The following SLC2A9 variants were observed in gnomAD, a reference collection of about 807,000 sequenced individuals.
SLC2A9 encodes the protein solute carrier family 2, facilitated glucose transporter member 9.
A neutral mutation model predicts 50.6 loss-of-function variants in SLC2A9; 39 were observed. That is an observed-to-expected ratio of 0.77 (90% confidence interval 0.60 to 1.01). The LOEUF (loss-of-function observed/expected upper bound fraction) is 1.01, where lower values mean the gene tolerates loss of function less well. SLC2A9 is among the 50% of genes least tolerant of loss of function. The pLI, the probability that SLC2A9 is intolerant of heterozygous loss-of-function variation, is 0.00. For missense variants in SLC2A9, 686 were observed against 677.6 expected (o/e 1.01, Z -0.14); for synonymous variants, 324 against 276.9 (o/e 1.17, Z -1.69).
chr4:9,942,537 G>A (rs1318824383), intron 5 of SLC2A9, among the ~76,000 whole-genome samples: 1 of 152,218 alleles, frequency 6.6e-6, no homozygotes, highest in Non-Finnish European at 1.5e-5. Flanking sequence ...AAGGGCAGCT[G>A]GAGCTCTTGC....
intron 11 of SLC2A9, 91 bp from the exon 12 acceptor site, chr4:9,826,691 C>T (rs1725190336): frequency 8.6e-7 from 1 of 1,157,926 alleles, no homozygotes; most frequent in Non-Finnish European, 1.3e-6. Flanking sequence ...GATAGCTCCA[C>T]ATTCATATAC....
rs549528701 is a variant in SLC2A9, at chr4:9,814,213, C to T, written n.420+12207G>A. On this transcript the variant is annotated intron_variant and non_coding_transcript_variant, in intron 3 of 3. Transcript: ENST00000503280. Reference sequence around the variant, plus strand: ...AAGGACATTCTACACAGAGGAAACACTAGACTCATTCTGGCTATCAGTGGT... The same window carrying T: ...AAGGACATTCTACACAGAGGAAACATTAGACTCATTCTGGCTATCAGTGGT... Among the ~76,000 whole-genome samples, 3 of 152,308 alleles carry T rather than the reference C, an allele frequency of 2.0e-5. No homozygotes were observed. The South Asian group carries it at 6.2e-4, about 32-fold the overall frequency.
intron 2 of SLC2A9, among the ~76,000 whole-genome samples, chr4:10,017,320 G>A (rs563031809): frequency 6.6e-6 from 1 of 152,306 alleles, no homozygotes; most frequent in South Asian, 2.1e-4. Context: ...TCACCTGGAT[G>A]TTTTGATGAA....
chr4:9,884,242 C>A (rs185201439), intron 10 of SLC2A9, among the ~76,000 whole-genome samples: 10 of 152,298 alleles, frequency 6.6e-5, no homozygotes, highest in Admixed American at 3.3e-4. Context: ...ATTCAAGGTG[C>A]CTGCTCAGGA....
At chr4:9,898,022 T>C (rs1738883291) in intron 8 of SLC2A9, among the ~76,000 whole-genome samples, 1 of 152,242 alleles carries the variant, frequency 6.6e-6, no homozygotes. Flanking sequence ...TCCTGGAAGC[T>C]GGGAGAGAGG....
chr4:9,797,924 T>C (rs1720782473), downstream of SLC2A9, among the ~76,000 whole-genome samples: 1 of 152,210 alleles, frequency 6.6e-6, no homozygotes, highest in African/African-American at 2.4e-5. Context: ...ATTCTCCTAT[T>C]CCACCTCCAC....
intron 3 of SLC2A9, chr4:9,782,066 G>T: frequency 6.7e-7 from 1 of 1,495,996 alleles, no homozygotes; most frequent in African/African-American, 1.4e-5. Context: ...CGCGTACCCG[G>T]GGCAGTTCGC....
intron 6 of SLC2A9, among the ~76,000 whole-genome samples, chr4:9,939,649 T>G (rs374795852): frequency 9.2e-5 from 14 of 152,268 alleles, no homozygotes; most frequent in African/African-American, 3.1e-4. Flanking sequence ...TTTCTATGGT[T>G]GTTGTGATGA....
downstream of SLC2A9, among the ~76,000 whole-genome samples, chr4:9,776,648 T>C (rs1370193638): frequency 7.9e-5 from 12 of 152,128 alleles, no homozygotes; most frequent in Non-Finnish European, 4.4e-5. Flanking sequence ...TGTGTCTTTG[T>C]ACAGTCAAAG....
chr4:9,899,721 A>T (rs1419788651), intron 8 of SLC2A9, among the ~76,000 whole-genome samples: 1 of 152,234 alleles, frequency 6.6e-6, no homozygotes, highest in Non-Finnish European at 1.5e-5. Flanking sequence ...TTAAATAATG[A>T]TCATCCCAGG....
At chr4:9,933,423 T>C (rs1314536597) in intron 6 of SLC2A9, among the ~76,000 whole-genome samples, 1 of 152,110 alleles carries the variant, frequency 6.6e-6, no homozygotes, top group Non-Finnish European at 1.5e-5. Context: ...CCAACTCCTT[T>C]TGCTCTCCCA....
intron 6 of SLC2A9, among the ~76,000 whole-genome samples, chr4:9,934,721 G>T (rs1330576598): frequency 6.6e-6 from 1 of 152,202 alleles, no homozygotes; most frequent in East Asian, 1.9e-4. Context: ...ATAAACATCT[G>T]CCATGGCGGT....
chr4:9,997,421 T>G (rs1481002550), intron 2 of SLC2A9, among the ~76,000 whole-genome samples: 1 of 151,978 alleles, frequency 6.6e-6, no homozygotes, highest in Non-Finnish European at 1.5e-5. Context: ...ACATACCGGG[T>G]GGGCGCAGAG....
In SLC2A9 at chr4:10,021,431, G is replaced by T; in HGVS notation, c.-2C>A. The T allele has an allele frequency of 6.2e-7, 1 of 1,614,166 alleles. No individual in the cohort carries two copies. The highest frequency in any genetic ancestry group is 2.2e-5 in the East Asian group (1 of 44,892). ...ATTCCTATTTTGTTTCCTTGCCATG[G>T]GTCTCAGTGACCCAGCTGATGGCTC... On this transcript the variant is annotated 5_prime_UTR_variant, in exon 1 of 12. Transcript: ENST00000264784.
chr4:9,849,350 G>C (rs942295987), intron 10 of SLC2A9, among the ~76,000 whole-genome samples: 3 of 152,208 alleles, frequency 2.0e-5, no homozygotes, highest in Non-Finnish European at 4.4e-5. Context: ...GAAGTTGTTT[G>C]TGAAAAGAAG....
intron 5 of SLC2A9, among the ~76,000 whole-genome samples, chr4:9,964,927 A>G (rs1752830907): frequency 6.6e-6 from 1 of 152,224 alleles, no homozygotes; most frequent in South Asian, 2.1e-4. Context: ...TGCTGCAGAC[A>G]TTCGGAGTAA....
chr4:9,996,529 C>G (rs899792301), intron 3 of SLC2A9, among the ~76,000 whole-genome samples: 1 of 152,212 alleles, frequency 6.6e-6, no homozygotes, highest in Non-Finnish European at 1.5e-5. Flanking sequence ...GCTCCTCCCC[C>G]ATGTGGGTGC....
At chr4:9,977,821 G>A (rs1447708368) in intron 5 of SLC2A9, among the ~76,000 whole-genome samples, 1 of 152,054 alleles carries the variant, frequency 6.6e-6, no homozygotes, top group African/African-American at 2.4e-5. Context: ...TGTGACCTCC[G>A]AAGGGCAGGG....
At chr4:9,858,955 T>C (rs2001412) in intron 10 of SLC2A9, among the ~76,000 whole-genome samples, 41,065 of 152,096 alleles carry the variant, frequency 0.27, 6,057 homozygotes, top group Admixed American at 0.39. Flanking sequence ...CTGGGCTGGA[T>C]GCTTCCTGCC....
Sources: gnomAD v4.1 joint callset for allele counts (sites outside exome capture counted in the v4.1 genomes callset) on GRCh38, gnomAD v4.1.1 for gene constraint, MANE v1.5 for transcripts, NCBI Gene and HGNC (gene_info 2026-07-23, HGNC 2026-07-21) for gene names.